Variants in ITPKB observed in about 807,000 individuals in gnomAD.
ITPKB encodes the protein IP3 3-kinase B.
In ITPKB, 13 loss-of-function variants were observed where a neutral mutation model predicts 69.4. The observed-to-expected ratio is 0.19, with a 90% confidence interval of 0.12 to 0.30. The LOEUF (loss-of-function observed/expected upper bound fraction) is 0.30. ITPKB is among the 10% of genes least tolerant of loss of function. ITPKB has a pLI of 1.00. For missense variants in ITPKB, 1,240 were observed against 1,250.5 expected, an observed-to-expected ratio of 0.99 and a Z score of 0.13; for synonymous variants, 584 against 513.7, an observed-to-expected ratio of 1.14 and a Z score of -1.85.
At chr1:226,648,816 C>A in intron 2 of ITPKB, 45 bp from the exon 3 acceptor site, 2 of 1,300,220 alleles carry the variant, frequency 1.5e-6, no homozygotes, top group South Asian at 2.4e-5. Context: ...AAGACAACCA[C>A]TAATTTCTGG....
At chr1:226,690,863 CA>C (rs1275078963) in intron 2 of ITPKB, among the ~76,000 whole-genome samples, 6 of 152,198 alleles carry the variant, frequency 3.9e-5, no homozygotes, top group African/African-American at 1.4e-4. Flanking sequence ...TATAGACACA[CA>C]ATGGATTATC....
chr1:226,734,235 T>C (rs1374741205), intron 2 of ITPKB, among the ~76,000 whole-genome samples: 1 of 152,216 alleles, frequency 6.6e-6, no homozygotes, highest in Non-Finnish European at 1.5e-5. Flanking sequence ...CCAGGCTGAT[T>C]GGGGCGATTT....
intron 2 of ITPKB, among the ~76,000 whole-genome samples, chr1:226,676,586 A>C (rs1669739489): frequency 6.6e-6 from 1 of 152,276 alleles, no homozygotes; most frequent in Non-Finnish European, 1.5e-5. Context: ...TTATTATGGC[A>C]ACCAAGTGAG....
intron 2 of ITPKB, among the ~76,000 whole-genome samples, chr1:226,681,248 C>T (rs930011528): frequency 2.0e-5 from 3 of 152,204 alleles, no homozygotes; most frequent in Admixed American, 6.5e-5. Context: ...GTGAATAACA[C>T]TCCCACCTAG....
intron 2 of ITPKB, among the ~76,000 whole-genome samples, chr1:226,718,306 A>AG (rs1012793043): frequency 3.3e-5 from 5 of 150,338 alleles, no homozygotes; most frequent in African/African-American, 7.4e-5. Context: ...AAAAAAAAAA[A>AG]AGAGAAAAGC....
At chr1:226,735,219 C>T (rs920642699) in intron 2 of ITPKB, among the ~76,000 whole-genome samples, 1 of 152,198 alleles carries the variant, frequency 6.6e-6, no homozygotes, top group Non-Finnish European at 1.5e-5. Flanking sequence ...TTTTTGGTGA[C>T]ATTTATGAAT....
chr1:226,710,878 A>G (rs200145189), intron 2 of ITPKB, among the ~76,000 whole-genome samples: 1 of 152,182 alleles, frequency 6.6e-6, no homozygotes, highest in East Asian at 1.9e-4. Context: ...GTGGGACTGG[A>G]GCCCAGAGAA....
chr1:226,737,203 T>A lies in ITPKB; in HGVS notation c.256A>T (p.Ser86Cys). The stretch of plus-strand genomic sequence containing the variant: ...CCGCTGCTGCCGCTGCCACTGCCGC[T>A]GCTACTATTCAGCCTGCGCCGGCCG... ...RSGRRRLNSS[S>C]GSGSGSSGSS... The change falls in exon 2 of 8, where the codon AGC (serine) becomes TGC (cysteine). Residue 86 changes from serine (S) to cysteine (C), a missense_variant. Physicochemically the swap from Ser to Cys is moderately radical, Grantham distance 112 (BLOSUM62 -1). Coordinates refer to ENST00000429204, the MANE Select transcript of ITPKB (RefSeq NM_002221.4). The A allele has an allele frequency of 6.3e-7, 1 of 1,585,164 alleles. No homozygotes were observed. The highest frequency in any genetic ancestry group is 8.5e-7 in the Non-Finnish European group (1 of 1,173,452).
chr1:226,685,375 C>T (rs3754400), intron 2 of ITPKB, among the ~76,000 whole-genome samples: 2,169 of 152,336 alleles, frequency 0.014, 107 homozygotes, highest in Admixed American at 0.08. Flanking sequence ...TCACCATTTC[C>T]CGGTCCCGCC....
chr1:226,703,399 G>C (rs1211181521), intron 2 of ITPKB, among the ~76,000 whole-genome samples: 1 of 152,230 alleles, frequency 6.6e-6, no homozygotes, highest in Admixed American at 6.5e-5. Context: ...CTGGCTGGCC[G>C]AGGCAGGGGC....
chr1:226,699,651 T>C (rs1379552534), intron 2 of ITPKB, among the ~76,000 whole-genome samples: 4 of 152,240 alleles, frequency 2.6e-5, no homozygotes. Context: ...GTATCATCTT[T>C]ACTGTCAGCT....
intron 2 of ITPKB, among the ~76,000 whole-genome samples, chr1:226,686,573 G>A (rs879661180): frequency 8.5e-5 from 13 of 152,294 alleles, no homozygotes; most frequent in South Asian, 2.1e-4. Flanking sequence ...CTGAAACTGC[G>A]TCAGCGTGCG....
chr1:226,735,402 CT>C, intron 2 of ITPKB, 124 bp downstream of exon 2: 1 of 1,084,348 alleles, frequency 9.2e-7, no homozygotes, highest in Non-Finnish European at 1.2e-6. Flanking sequence ...TTCACTGTGA[CT>C]GTCCCAGGGC....
Position 226,647,175 on chromosome 1 carries a change from C to T in ITPKB, c.2238G>A (p.Met746Ile), listed in dbSNP as rs772232395. Residue 746 changes from methionine (M) to isoleucine (I), a missense_variant, in exon 4 of 8, where the codon ATG (methionine) becomes ATA (isoleucine). Transcript: ENST00000429204. ...CGAGAAGCCTGGCTCACCTGATTCCCATCTTGCAGTCCATCACACAGGGCG... is the reference window on the plus strand; with the variant it reads ...CGAGAAGCCTGGCTCACCTGATTCCTATCTTGCAGTCCATCACACAGGGCG... ...FDSPCVMDCK[M>I]GIRTYLEEEL... The T allele has an allele frequency of 6.2e-7, 1 of 1,614,188 alleles. No homozygotes were observed. The highest frequency in any genetic ancestry group is 8.5e-7 in the Non-Finnish European group (1 of 1,180,002).
At chr1:226,665,814 C>T (rs886792659) in intron 2 of ITPKB, among the ~76,000 whole-genome samples, 2 of 152,176 alleles carry the variant, frequency 1.3e-5, no homozygotes, top group African/African-American at 2.4e-5. Context: ...GGATGGTTGG[C>T]GTTTGGGACT....
rs1367135339 is a variant in ITPKB at position 226,707,878 on chromosome 1, C to T, written c.1932+27649G>A. The T allele has an allele frequency of 3.1e-6, 4 of 1,310,084 alleles. No individual in the cohort carries two copies. The East Asian group carries it at 1.5e-4, about 51-fold the overall frequency. 81.2% of individuals were successfully genotyped at this position (1,310,084 alleles called of 1,614,324 possible). ...TCATTCTTGGTATTGGACGTTGCCC[C>T]AGCAGTACCACTGAGGGGAACACTT... On this transcript the variant is annotated intron_variant, in intron 2 of 7. Transcript: ENST00000429204.
chr1:226,717,752 C>T (rs1558094876), intron 2 of ITPKB, among the ~76,000 whole-genome samples: 1 of 152,222 alleles, frequency 6.6e-6, no homozygotes, highest in Non-Finnish European at 1.5e-5. Flanking sequence ...TCCCACCGGG[C>T]TGCCCGCCAA....
intron 2 of ITPKB, among the ~76,000 whole-genome samples, chr1:226,719,555 C>T (rs1044576691): frequency 6.6e-6 from 1 of 152,174 alleles, no homozygotes; most frequent in African/African-American, 2.4e-5. Context: ...CCCTTTAGGC[C>T]CTCACCCATG....
chr1:226,724,107 C>T (rs993157804), intron 2 of ITPKB, among the ~76,000 whole-genome samples: 3 of 152,114 alleles, frequency 2.0e-5, no homozygotes, highest in African/African-American at 7.2e-5. Context: ...ATCTTCACAG[C>T]ACCCCCTGAG....
Sources: gnomAD v4.1 joint callset for allele counts (sites outside exome capture counted in the v4.1 genomes callset) on GRCh38, gnomAD v4.1.1 for gene constraint, MANE v1.5 for transcripts, NCBI Gene and HGNC (gene_info 2026-07-23, HGNC 2026-07-21) for gene names.